DLGAP2: variants seen among roughly 807,000 people sequenced by gnomAD.
The protein encoded by DLGAP2 is disks large-associated protein 2.
DLGAP2 carries 26 observed loss-of-function variants against 100.3 expected under a neutral mutation model. That is an observed-to-expected ratio of 0.26 (90% CI 0.19 to 0.36). The LOEUF (loss-of-function observed/expected upper bound fraction) is 0.36, where lower values mean the gene tolerates loss of function less well. Ranked by LOEUF, DLGAP2 falls within the 10% of genes least tolerant of loss-of-function variation. The pLI is 1.00. For synonymous variants in DLGAP2, 886 were observed against 630.1 expected (o/e 1.41, Z -6.08); for missense variants, 1,858 against 1,453.2 (o/e 1.28, Z -4.53).
At chr8:1,328,494 G>GT (rs1315017198) in intron 3 of DLGAP2, among the ~76,000 whole-genome samples, 2 of 151,614 alleles carry the variant, frequency 1.3e-5, no homozygotes, top group East Asian at 1.9e-4. Flanking sequence ...GTGTTTTTTT[G>GT]TTTTTTTGTT....
chr8:1,167,876 C>G (rs984018138), intron 2 of DLGAP2, among the ~76,000 whole-genome samples: 1 of 147,630 alleles, frequency 6.8e-6, no homozygotes, highest in Non-Finnish European at 1.5e-5. Flanking sequence ...AGTACTTAAC[C>G]TGAGTCCATT....
intron 3 of DLGAP2, among the ~76,000 whole-genome samples, chr8:1,280,313 A>T (rs1799790939): frequency 6.6e-6 from 1 of 152,128 alleles, no homozygotes; most frequent in Non-Finnish European, 1.5e-5. Context: ...ACCCCTTCCC[A>T]TCTATTTCCT....
chr8:1,651,204 G>T (rs1048712897), intron 8 of DLGAP2, among the ~76,000 whole-genome samples: 1 of 152,168 alleles, frequency 6.6e-6, no homozygotes, highest in African/African-American at 2.4e-5. Context: ...ACAGCAGAAG[G>T]GCCAGGACTG....
chr8:1,668,662 C>T lies in DLGAP2; in HGVS notation c.2144C>T (p.Ser715Phe), dbSNP rs1798610061. Residue 715 changes from serine to phenylalanine, a missense_variant, in exon 9 of 15, where the codon TCC (serine) becomes TTC (phenylalanine). Transcript: ENST00000637795. Reference protein sequence around the residue: ...KAEELLKSRCSSIGIQDSEFP... With the variant: ...KAEELLKSRCFSIGIQDSEFP... ...GAGGAGCTCCTCAAGAGCCGCTGCT[C>T]CTCCATCGGGATTCAGGTAGCTGCT... 2 of 1,562,064 alleles carry T rather than the reference C, an allele frequency of 1.3e-6. No individual in the cohort carries two copies. Among genetic ancestry groups the T allele is most frequent in the Non-Finnish European group, 1.7e-6 (2 of 1,152,612 alleles).
chr8:1,195,634 T>C (rs1043301171), intron 2 of DLGAP2, among the ~76,000 whole-genome samples: 14 of 152,236 alleles, frequency 9.2e-5, no homozygotes, highest in Non-Finnish European at 1.9e-4. Context: ...TCTGTAATTA[T>C]TAAAAAATTA....
chr8:1,555,310 G>A (rs1011760676), intron 5 of DLGAP2, among the ~76,000 whole-genome samples: 1 of 152,124 alleles, frequency 6.6e-6, no homozygotes, highest in Non-Finnish European at 1.5e-5. Flanking sequence ...GTCCTAAAAC[G>A]CCTCCTTGAG....
At chr8:1,584,339 C>T (rs1469621173) in intron 6 of DLGAP2, among the ~76,000 whole-genome samples, 3 of 152,174 alleles carry the variant, frequency 2.0e-5, no homozygotes, top group Non-Finnish European at 4.4e-5. Flanking sequence ...ATTTCTTAAG[C>T]TCCTTTAGGT....
At chr8:823,728 G>A (rs968816733) in intron 1 of DLGAP2, among the ~76,000 whole-genome samples, 4 of 152,212 alleles carry the variant, frequency 2.6e-5, no homozygotes, top group South Asian at 4.1e-4. Flanking sequence ...GTTTGTCGTC[G>A]TTTTGTCTTG....
chr8:975,677 G>GC (rs1259359840), intron 2 of DLGAP2, among the ~76,000 whole-genome samples: 2 of 152,158 alleles, frequency 1.3e-5, no homozygotes, highest in Non-Finnish European at 2.9e-5. Flanking sequence ...CCAAAACCCA[G>GC]CACCCATTCA....
At chr8:1,552,032 T>A (rs1219708803) in intron 5 of DLGAP2, among the ~76,000 whole-genome samples, 1 of 152,154 alleles carries the variant, frequency 6.6e-6, no homozygotes, top group Non-Finnish European at 1.5e-5. Context: ...CTGGTTGGTC[T>A]GATTGTGTCT....
At chr8:1,425,180 C>G (rs1292249319) in intron 3 of DLGAP2, among the ~76,000 whole-genome samples, 1 of 152,156 alleles carries the variant, frequency 6.6e-6, no homozygotes, top group Admixed American at 6.6e-5. Context: ...ATGCCTAACT[C>G]CATAGCCTCA....
At chr8:822,539 C>T (rs987318669) in intron 1 of DLGAP2, among the ~76,000 whole-genome samples, 1 of 152,172 alleles carries the variant, frequency 6.6e-6, no homozygotes, top group Non-Finnish European at 1.5e-5. Flanking sequence ...ATTCGGGAGG[C>T]CTGACAGAGA....
At position 1,112,461 on chromosome 8, in the gene DLGAP2, C is replaced by T. The variant is rs374597886; in HGVS notation, c.74-146390C>T. Among the ~76,000 whole-genome samples, 6 of 152,182 alleles carry T rather than the reference C, an allele frequency of 3.9e-5. No individual in the cohort carries two copies. The South Asian group carries it at 1.2e-3, about 32-fold the overall frequency. ...TTCACCATGTTAGCCAGGATGGTCTCGATCTCCTCACCTCATGATTCACCT... is the reference window on the plus strand; with the variant it reads ...TTCACCATGTTAGCCAGGATGGTCTTGATCTCCTCACCTCATGATTCACCT... On this transcript the variant is annotated intron_variant, in intron 2 of 14. Coordinates refer to ENST00000637795, the MANE Select transcript of DLGAP2 (RefSeq NM_001346810.2).
chr8:1,409,009 G>T (rs542213873), intron 3 of DLGAP2, among the ~76,000 whole-genome samples: 17 of 152,196 alleles, frequency 1.1e-4, no homozygotes, highest in Non-Finnish European at 2.1e-4. Context: ...ATCCACCTAT[G>T]AAAAAGACAG....
intron 1 of DLGAP2, among the ~76,000 whole-genome samples, chr8:776,998 G>A (rs1313094036): frequency 6.6e-6 from 1 of 152,000 alleles, no homozygotes; most frequent in Non-Finnish European, 1.5e-5. Flanking sequence ...TCTCTTTGTA[G>A]GTCACTCAGG....
intron 2 of DLGAP2, among the ~76,000 whole-genome samples, chr8:1,193,914 G>A (rs1474456972): frequency 2.0e-5 from 3 of 152,142 alleles, no homozygotes; most frequent in East Asian, 3.9e-4. Context: ...AGGAGGAGCC[G>A]CTGGAGGGAC....
chr8:1,360,649 C>G (rs1400529700), intron 3 of DLGAP2, among the ~76,000 whole-genome samples: 2 of 152,332 alleles, frequency 1.3e-5, no homozygotes, highest in East Asian at 3.9e-4. Flanking sequence ...CCCCCACATC[C>G]TGAAGGCAAC....
chr8:1,092,363 G>A (rs761288223), intron 2 of DLGAP2, among the ~76,000 whole-genome samples: 11 of 152,218 alleles, frequency 7.2e-5, no homozygotes, highest in African/African-American at 1.7e-4. Context: ...CGTAGGGTCC[G>A]CCTGGCACCT....
chr8:1,033,856 A>G (rs2129028536), intron 2 of DLGAP2, among the ~76,000 whole-genome samples: 1 of 127,964 alleles, frequency 7.8e-6, no homozygotes, highest in Non-Finnish European at 1.7e-5. Flanking sequence ...TGTCACCGCG[A>G]GTGGGTTCAC....
Sources: allele counts gnomAD v4.1 joint callset (sites outside exome capture counted in the v4.1 genomes callset), GRCh38; gene constraint gnomAD v4.1.1; transcripts MANE v1.5; gene names NCBI Gene and HGNC (gene_info 2026-07-23, HGNC 2026-07-21).